The following GRTP1 variants were observed in gnomAD, a reference collection of about 807,000 sequenced individuals.
GRTP1 encodes the protein growth hormone-regulated TBC protein 1.
Under a neutral mutation model 38.1 loss-of-function variants are expected in GRTP1, and 56 were observed. That is an observed-to-expected ratio of 1.47 (90% CI 1.19 to 1.84). The LOEUF is 1.84. GRTP1 is among the 40% of genes most tolerant of loss of function. GRTP1 has a pLI of 0.00. For synonymous variants in GRTP1, 217 were observed against 189.5 expected, an observed-to-expected ratio of 1.14 and a Z score of -1.19; for missense variants, 506 against 453.9, an observed-to-expected ratio of 1.11 and a Z score of -1.04.
intron 7 of GRTP1, chr13:113,325,325 A>AGTC (rs1327993625): frequency 7.2e-7 from 1 of 1,390,658 alleles, no homozygotes; most frequent in African/African-American, 1.4e-5. Context: ...TCAGGACCTG[A>AGTC]GTCTATACGG....
In GRTP1 at chr13:113,345,711, C is replaced by T. The variant is rs934566610; in HGVS notation, c.466-752G>A. On this transcript the variant is annotated intron_variant, in intron 4 of 7. Coordinates refer to ENST00000375431, the MANE Select transcript of GRTP1 (RefSeq NM_024719.4). ...GCAGAGAGCGATGCTGGCAGCAGCGCGGCGGCTTCAGTCACACAGGGATGT... is the reference window on the plus strand; with the variant it reads ...GCAGAGAGCGATGCTGGCAGCAGCGTGGCGGCTTCAGTCACACAGGGATGT... Among the ~76,000 whole-genome samples the T allele has an allele frequency of 3.2e-4, 48 of 152,346 alleles. No individual in the cohort carries two copies. The Middle Eastern group carries it at 0.01, about 32-fold the overall frequency.
In GRTP1 at chr13:113,324,497, T is replaced by G; in HGVS notation, c.1002A>C (p.Ala334=). The G allele has an allele frequency of 6.2e-7, 1 of 1,609,648 alleles. No homozygotes were observed. The highest frequency in any genetic ancestry group is 8.5e-7 in the Non-Finnish European group (1 of 1,178,280). Residue 334 remains alanine, a synonymous_variant, in exon 8 of 8, where the codon GCA becomes GCC. Transcript: ENST00000375431. ...CAGGGGACAGGCACGCTCACCCCTG[T>G]GCCAGCAGCCGGGCCCTGCAGCTCT... The part of the protein sequence containing the change: ...LRESCRARLL[A]QG
chr13:113,334,280 A>ACTGCCTTCCCCCCCCCCCCCCCCGCC (rs1202504022), intron 5 of GRTP1, among the ~76,000 whole-genome samples: 1 of 142,484 alleles, frequency 7.0e-6, no homozygotes, highest in African/African-American at 2.5e-5. Flanking sequence ...CACTGCCACG[A>ACTGCCTTCCCCCCCCCCCCCCCCGCC]CAGCCTCCCG....
At chr13:113,331,817 G>A (rs758790084) in intron 5 of GRTP1, among the ~76,000 whole-genome samples, 2 of 150,830 alleles carry the variant, frequency 1.3e-5, no homozygotes, top group Non-Finnish European at 3.0e-5. Context: ...CACCAGGCCC[G>A]GCTAATTTTT....
chr13:113,346,139 C>A (rs866571803), intron 4 of GRTP1, among the ~76,000 whole-genome samples: 26 of 115,490 alleles, frequency 2.3e-4, no homozygotes, highest in South Asian at 9.2e-4. Flanking sequence ...TGGACAAGAG[C>A]AGACCCGGGA....
At chr13:113,346,151 G>T (rs1302764602) in intron 4 of GRTP1, among the ~76,000 whole-genome samples, 1 of 139,760 alleles carries the variant, frequency 7.2e-6, no homozygotes, top group African/African-American at 2.7e-5. Flanking sequence ...GACCCGGGAG[G>T]ACCTCTGTGC....
chr13:113,352,948 G>A (rs9603830), intron 3 of GRTP1, among the ~76,000 whole-genome samples: 21 of 136,552 alleles, frequency 1.5e-4, no homozygotes, highest in South Asian at 9.8e-4. Flanking sequence ...CTGGGTAGGA[G>A]CCCACAGCTG....
At chr13:113,350,615 CCT>C (rs750514801) in intron 4 of GRTP1, among the ~76,000 whole-genome samples, 9 of 151,834 alleles carry the variant, frequency 5.9e-5, no homozygotes, top group East Asian at 1.9e-4. Flanking sequence ...CAGCACTCGC[CCT>C]CTGTGTCCCG....
At chr13:113,352,214 T>C (rs2043280014) in intron 3 of GRTP1, among the ~76,000 whole-genome samples, 1 of 141,284 alleles carries the variant, frequency 7.1e-6, no homozygotes, top group African/African-American at 2.6e-5. Flanking sequence ...TGTAATATTT[T>C]TATTGAGTTT....
chr13:113,326,067 C>G lies in GRTP1; in HGVS notation c.587G>C (p.Gly196Ala), dbSNP rs777066197. 80 of 1,610,894 alleles carry G rather than the reference C, an allele frequency of 5.0e-5. No individual in the cohort carries two copies. In the East Asian group the frequency reaches 1.1e-3, roughly 22 times the overall value. ...GAGGACCTCCTGGTCGGTCTTCAGG[C>G]CCAGCATGGCCGGGCTGTAGTAATC... ...LPDYYSPAMLGLKTDQEVLGE... is the reference protein window; with the variant it reads ...LPDYYSPAMLALKTDQEVLGE... The change falls in exon 6 of 8, where the codon GGC becomes GCC. Residue 196 changes from glycine (G) to alanine (A), a missense_variant. Gly to Ala is a moderately conservative substitution (Grantham distance 60). Transcript: ENST00000375431.
chr13:113,341,157 A>G (rs1186785200), intron 5 of GRTP1, among the ~76,000 whole-genome samples: 1 of 150,250 alleles, frequency 6.7e-6, no homozygotes, highest in Non-Finnish European at 1.5e-5. Context: ...TGCACCAATC[A>G]CGACTGCACC....
chr13:113,335,090 G>A (rs1007187600), intron 5 of GRTP1, among the ~76,000 whole-genome samples: 15 of 33,110 alleles, frequency 4.5e-4, no homozygotes, highest in African/African-American at 1.3e-3. Flanking sequence ...CCAGAGTGCT[G>A]GGATTACAGG....
intron 4 of GRTP1, among the ~76,000 whole-genome samples, chr13:113,346,006 ACC>A (rs1242459031): frequency 2.1e-5 from 2 of 94,376 alleles, no homozygotes; most frequent in East Asian, 3.1e-4. Flanking sequence ...ACCCGAGAGG[ACC>A]TCTGCGGCTG....
chr13:113,340,582 C>T (rs1018840977), intron 5 of GRTP1, among the ~76,000 whole-genome samples: 3 of 152,104 alleles, frequency 2.0e-5, no homozygotes, highest in Non-Finnish European at 2.9e-5. Flanking sequence ...GAGTTTGAGA[C>T]CAGCCTGGCC....
At chr13:113,332,813 T>C (rs1274735208) in intron 5 of GRTP1, among the ~76,000 whole-genome samples, 2 of 152,078 alleles carry the variant, frequency 1.3e-5, no homozygotes, top group African/African-American at 4.8e-5. Context: ...GAGGAAGCCG[T>C]CGGCGCCACA....
chr13:113,349,175 G>A lies in GRTP1; in HGVS notation c.465+1674C>T, dbSNP rs1024495347. ...TAGGCAAGGGCCACCCAGGTGGGTGGTGTTTTTTTTTGTTTGTTTCTCGGT... is the reference window on the plus strand; with the variant it reads ...TAGGCAAGGGCCACCCAGGTGGGTGATGTTTTTTTTTGTTTGTTTCTCGGT... On this transcript the variant is annotated intron_variant, in intron 4 of 7. Transcript: ENST00000375431. The surrounding 1 kb of genome is among the most constrained non-coding windows in gnomAD (Gnocchi z 5.0). Among the ~76,000 whole-genome samples the A allele has an allele frequency of 7.3e-6, 1 of 137,712 alleles. No individual in the cohort carries two copies. Among genetic ancestry groups the A allele is most frequent in the African/African-American group, 2.5e-5 (1 of 40,594 alleles). 90.3% of individuals were successfully genotyped at this position (137,712 alleles called of 152,430 possible). A position where few individuals can be genotyped will look rare whatever the true frequency, so the allele number is the denominator to read the frequency against.
intron 4 of GRTP1, among the ~76,000 whole-genome samples, chr13:113,346,258 G>GACCCGGGAGGACCTCTGTGGCCGAGAA (rs2043127759): frequency 1.8e-5 from 1 of 54,372 alleles, no homozygotes; most frequent in African/African-American, 1.3e-4. Flanking sequence ...GTGGCCGAGA[G>GACCCGGGAGGACCTCTGTGGCCGAGAA]CAGATCCGGG....
intron 5 of GRTP1, among the ~76,000 whole-genome samples, chr13:113,326,440 C>T (rs1196030652): frequency 4.0e-5 from 5 of 124,438 alleles, no homozygotes; most frequent in East Asian, 2.3e-4. Flanking sequence ...GAGGCCGAGG[C>T]GGGTGGATCA....
chr13:113,325,657 A>ACGCT lies in GRTP1; in HGVS notation c.921+3_921+4insAGCG. 6.2e-7 allele frequency: 1 copy of ACGCT among 1,613,870 alleles called. No individual in the cohort carries two copies. Among genetic ancestry groups the ACGCT allele is most frequent in the Admixed American group, 1.7e-5 (1 of 60,012 alleles). ...GGGACTGAGCCACGTGCAGCCCCACACACCTGCATAAACGTGTGACACTCC... is the reference window on the plus strand; with the variant it reads ...GGGACTGAGCCACGTGCAGCCCCACACGCTCACCTGCATAAACGTGTGACACTCC... On this transcript the variant is annotated splice_donor_region_variant and intron_variant, in intron 7 of 7. Coordinates refer to ENST00000375431, the MANE Select transcript of GRTP1 (RefSeq NM_024719.4).
Sources: gnomAD v4.1 joint callset for allele counts (sites outside exome capture counted in the v4.1 genomes callset) on GRCh38, gnomAD v4.1.1 for gene constraint, Gnocchi (gnomAD v3.1) non-coding constraint, MANE v1.5 for transcripts, NCBI Gene and HGNC (gene_info 2026-07-23, HGNC 2026-07-21) for gene names.